Variants in ABHD18 observed in about 807,000 individuals in gnomAD.
ABHD18 encodes the protein abhydrolase domain containing 18.
In ABHD18, 55 loss-of-function variants were observed where a neutral mutation model predicts 65.9. That is an observed-to-expected ratio of 0.84 (90% CI 0.67 to 1.05). The LOEUF is 1.05. Ranked by LOEUF, ABHD18 falls within the 50% of genes least tolerant of loss-of-function variation. The pLI is 0.00. For synonymous variants in ABHD18, 181 were observed against 180.2 expected, an observed-to-expected ratio of 1.00 and a Z score of -0.04; for missense variants, 533 against 558.5, an observed-to-expected ratio of 0.95 and a Z score of 0.46.
At chr4:128,026,144 C>G (rs928862595) in intron 10 of ABHD18, among the ~76,000 whole-genome samples, 1 of 152,128 alleles carries the variant, frequency 6.6e-6, no homozygotes, top group South Asian at 2.1e-4. Context: ...CAAAAATTAG[C>G]CGGGCATGGT....
chr4:128,014,570 CTCAAG>C (rs1050796609), intron 7 of ABHD18, among the ~76,000 whole-genome samples: 10 of 152,096 alleles, frequency 6.6e-5, no homozygotes, highest in Non-Finnish European at 1.3e-4. Flanking sequence ...ATACTGTATA[CTCAAG>C]TCAAGAAATA....
chr4:127,971,358 A>AT (rs1178320122), intron 1 of ABHD18, among the ~76,000 whole-genome samples: 1 of 151,614 alleles, frequency 6.6e-6, no homozygotes, highest in Non-Finnish European at 1.5e-5. Flanking sequence ...GATGCTGTAT[A>AT]TTTTAACAAT....
At chr4:128,008,525 T>C (rs1754021409) in intron 4 of ABHD18, among the ~76,000 whole-genome samples, 2 of 151,978 alleles carry the variant, frequency 1.3e-5, no homozygotes, top group Admixed American at 1.3e-4. Flanking sequence ...TCCACCCATA[T>C]TGGCCTCCCA....
At chr4:127,974,801 C>T (rs555056757) in intron 1 of ABHD18, among the ~76,000 whole-genome samples, 1 of 151,832 alleles carries the variant, frequency 6.6e-6, no homozygotes, top group African/African-American at 2.4e-5. Flanking sequence ...TCGAGACCAG[C>T]CTGGCCAACA....
intron 4 of ABHD18, among the ~76,000 whole-genome samples, chr4:128,006,647 T>C (rs568225522): frequency 6.6e-6 from 1 of 152,324 alleles, no homozygotes; most frequent in South Asian, 2.1e-4. Flanking sequence ...TCTTTTACTA[T>C]GATAGTAGTT....
chr4:128,029,951 C>T (rs1183273334), intron 11 of ABHD18, among the ~76,000 whole-genome samples: 1 of 152,068 alleles, frequency 6.6e-6, no homozygotes, highest in African/African-American at 2.4e-5. Context: ...TGCACCACTG[C>T]ACCCTAGCCT....
intron 10 of ABHD18, among the ~76,000 whole-genome samples, chr4:128,026,733 A>G (rs1428254897): frequency 6.6e-6 from 1 of 151,924 alleles, no homozygotes; most frequent in Non-Finnish European, 1.5e-5. Flanking sequence ...TCAGTCACAT[A>G]TATAAGGTGG....
At chr4:128,026,190 G>A (rs548328771) in intron 10 of ABHD18, among the ~76,000 whole-genome samples, 3 of 152,318 alleles carry the variant, frequency 2.0e-5, no homozygotes, top group Admixed American at 6.5e-5. Flanking sequence ...CCGGGAGGCT[G>A]AGGCAGAGAA....
At chr4:127,967,014 A>G (rs566722436) in intron 1 of ABHD18, among the ~76,000 whole-genome samples, 19 of 152,168 alleles carry the variant, frequency 1.2e-4, no homozygotes, top group Admixed American at 1.0e-3. Flanking sequence ...AACAAGTCAG[A>G]TTTGTATTAT....
Position 128,024,881 on chromosome 4 carries a change from G to A in ABHD18, c.802-3594G>A, listed in dbSNP as rs575385375. 5.9e-5 allele frequency among the ~76,000 whole-genome samples: 9 copies of A among 152,020 alleles called. No individual in the cohort carries two copies. The East Asian group carries it at 1.2e-3, about 20-fold the overall frequency. ...CTAATTTCGTATTTTTAGTATAGAC[G>A]GGGTTTCTCCATGTTGGTCGGGCTG... On this transcript the variant is annotated intron_variant, in intron 10 of 12. Coordinates refer to ENST00000645843, the MANE Select transcript of ABHD18 (RefSeq NM_001358451.3).
intron 1 of ABHD18, among the ~76,000 whole-genome samples, chr4:127,969,737 A>G (rs1746354542): frequency 6.6e-6 from 1 of 151,180 alleles, no homozygotes; most frequent in Non-Finnish European, 1.5e-5. Flanking sequence ...ACTGTAAAAT[A>G]TAGGTGTTGG....
intron 10 of ABHD18, among the ~76,000 whole-genome samples, chr4:128,024,901 G>A (rs1235755730): frequency 4.0e-5 from 6 of 151,770 alleles, no homozygotes; most frequent in African/African-American, 1.2e-4. Context: ...CATGTTGGTC[G>A]GGCTGGTCTC....
intron 4 of ABHD18, among the ~76,000 whole-genome samples, chr4:127,993,532 A>G (rs571190159): frequency 1.6e-4 from 24 of 152,348 alleles, no homozygotes; most frequent in African/African-American, 4.8e-4. Context: ...ATTCTTGTGC[A>G]GCAATTTATC....
chr4:127,969,237 C>T (rs1340781584), intron 1 of ABHD18, among the ~76,000 whole-genome samples: 1 of 144,752 alleles, frequency 6.9e-6, no homozygotes, highest in Admixed American at 7.0e-5. Flanking sequence ...CTTTTGCTCT[C>T]GTTGCCCAGG....
At chr4:128,009,045 T>C (rs776833559) in intron 5 of ABHD18, 47 bp downstream of exon 5, 2 of 1,579,134 alleles carry the variant, frequency 1.3e-6, no homozygotes, top group Non-Finnish European at 1.7e-6. Flanking sequence ...TTTGTTAACA[T>C]ATTCTCCTTA....
intron 12 of ABHD18, chr4:128,030,908 G>C (rs1758114869): frequency 8.4e-7 from 1 of 1,195,210 alleles, no homozygotes; most frequent in South Asian, 3.3e-5. Context: ...TTATCGTGTG[G>C]CTTTCCCCTC....
At chr4:127,992,301 G>T (rs146928160) in intron 4 of ABHD18, among the ~76,000 whole-genome samples, 4,420 of 151,964 alleles carry the variant, frequency 0.029, 200 homozygotes, top group African/African-American at 0.1. Flanking sequence ...GTGAAACCCC[G>T]TCTCTACTAA....
intron 1 of ABHD18, among the ~76,000 whole-genome samples, chr4:127,972,602 C>T (rs549308532): frequency 1.6e-5 from 2 of 124,126 alleles, no homozygotes; most frequent in South Asian, 2.7e-4. Context: ...GACAGGGTTT[C>T]ACCATGTTGG....
chr4:128,015,863 C>A (rs972509832), intron 7 of ABHD18, among the ~76,000 whole-genome samples: 1 of 151,432 alleles, frequency 6.6e-6, no homozygotes, highest in Admixed American at 6.6e-5. Flanking sequence ...AAAGTAGATT[C>A]TAATTTGGTC....
Sources: gnomAD v4.1 joint callset for allele counts (sites outside exome capture counted in the v4.1 genomes callset) on GRCh38, gnomAD v4.1.1 for gene constraint, MANE v1.5 for transcripts, NCBI Gene and HGNC (gene_info 2026-07-23, HGNC 2026-07-21) for gene names.